Variants in TRIM10 observed in about 807,000 individuals in gnomAD.
TRIM10 encodes the protein tripartite motif containing 10, also known as tripartite motif-containing protein 10.
TRIM10 carries 42 observed loss-of-function variants against 40.0 expected under a neutral mutation model. That is an observed-to-expected ratio of 1.05 (90% CI 0.82 to 1.36). The LOEUF is 1.36. Ranked by LOEUF, TRIM10 falls within the 40% of genes most tolerant of loss-of-function variation. TRIM10 has a pLI of 0.00. For synonymous variants in TRIM10, 260 were observed against 239.5 expected (o/e 1.09, Z -0.79); for missense variants, 601 against 608.3 (o/e 0.99, Z 0.13).
chr6:30,163,562 CTCTGTCTCTT>C, upstream of TRIM10: 1 of 1,300,784 alleles, frequency 7.7e-7, no homozygotes, highest in Non-Finnish European at 1.0e-6. Flanking sequence ...CTTTCTCTCT[CTCTGTCTCTT>C]AGCCTTGCAG....
At chr6:30,162,239 G>C (rs1174897237), upstream of TRIM10, among the ~76,000 whole-genome samples, 1 of 142,512 alleles carries the variant, frequency 7.0e-6, no homozygotes, top group Non-Finnish European at 1.5e-5. Context: ...TCGCGCTACT[G>C]CACTCCATCC....
At chr6:30,161,438 G>A (rs146705154), upstream of TRIM10, among the ~76,000 whole-genome samples, 73 of 152,312 alleles carry the variant, frequency 4.8e-4, no homozygotes, top group African/African-American at 1.6e-3. Context: ...CCTGCTGCAG[G>A]CCTCAAAAGA....
chr6:30,154,051 G>A lies in TRIM10; in HGVS notation c.1364C>T (p.Thr455Ile). The stretch of plus-strand genomic sequence containing the variant: ...CTTCCTAGTGAAGGAGGCAGTGAAG[G>A]TGTAGATGGGCTCTCGGGTGACAGC... ...TNAVTREPIY[T>I]FTASFTRKVI... The change falls in exon 7 of 7, where the codon ACC becomes ATC. Residue 455 changes from threonine (T) to isoleucine (I), a missense_variant. Thr to Ile is a moderately conservative substitution (Grantham distance 89). Transcript: ENST00000449742. 2 of 1,612,842 alleles carry A rather than the reference G, an allele frequency of 1.2e-6. No individual in the cohort carries two copies. The highest frequency in any genetic ancestry group is 1.7e-6 in the Non-Finnish European group (2 of 1,179,826).
intron 3 of TRIM10, 140 bp from the exon 4 acceptor site, chr6:30,157,531 G>A: frequency 2.3e-6 from 2 of 884,816 alleles, no homozygotes; most frequent in South Asian, 3.7e-5. Flanking sequence ...TGGTGCCCAG[G>A]CTGGAATACA....
intron 1 of TRIM10, among the ~76,000 whole-genome samples, chr6:30,159,984 G>A (rs751246446): frequency 6.6e-6 from 1 of 152,160 alleles, no homozygotes; most frequent in African/African-American, 2.4e-5. Flanking sequence ...ATGTAAACAC[G>A]AATTTATTCA....
At chr6:30,162,922 G>T (rs951348746), upstream of TRIM10, among the ~76,000 whole-genome samples, 1 of 147,542 alleles carries the variant, frequency 6.8e-6, no homozygotes, top group African/African-American at 2.5e-5. Context: ...CCTTCTCCCC[G>T]CTACAGTAAA....
chr6:30,153,459 G>C lies in TRIM10; in HGVS notation c.*510C>G. ...CTTCCCAAGAGCTCTTTCAGATATA[G>C]AGCAGGTTTTTTTTTTCTCTATATT... On this transcript the variant is annotated 3_prime_UTR_variant, in exon 7 of 7. Transcript: ENST00000449742. 1 of 556,224 alleles carries C rather than the reference G, an allele frequency of 1.8e-6. No individual in the cohort carries two copies. Among genetic ancestry groups the C allele is most frequent in the Non-Finnish European group, 3.2e-6 (1 of 313,314 alleles). 34.5% of individuals were successfully genotyped at this position (556,224 alleles called of 1,614,324 possible).
At chr6:30,157,095 T>C (rs1416188102) in intron 4 of TRIM10, 41 bp from the exon 5 acceptor site, 1 of 1,580,216 alleles carries the variant, frequency 6.3e-7, no homozygotes, top group African/African-American at 1.3e-5. Flanking sequence ...ATTATCATCC[T>C]TAATAATGTC....
In TRIM10 at chr6:30,156,854, C is replaced by T. The variant is rs115033884; in HGVS notation, c.895+85G>A. 0.018 allele frequency: 21,542 copies of T among 1,211,406 alleles called. 312 individuals are homozygous for T. The highest frequency in any genetic ancestry group is 0.047 in the African/African-American group (3,151 of 67,270). 75.0% of individuals were successfully genotyped at this position (1,211,406 alleles called of 1,614,324 possible). A position where few individuals can be genotyped will look rare whatever the true frequency, so the allele number is the denominator to read the frequency against. On this transcript the variant is annotated intron_variant, in intron 5 of 6. Transcript: ENST00000449742. ...AGGAATAAGGCTTGCCAAAGTCACA[C>T]CTTTCAGCAGTGGAGCGTGGAGGCC...
At chr6:30,163,739 T>G, upstream of TRIM10, 1 of 1,612,998 alleles carries the variant, frequency 6.2e-7, no homozygotes, top group Non-Finnish European at 8.5e-7. Flanking sequence ...CTGTACCCTC[T>G]GTGCGGGGCC....
rs1772071531 is a variant in TRIM10, at chr6:30,152,213, C to G, written c.*1756G>C. On this transcript the variant is annotated 3_prime_UTR_variant, in exon 7 of 7. Transcript: ENST00000449742. Reference sequence around the variant, plus strand: ...GGATGAACTGGTTGCATGATCTTGGCTCGTTACCAAGATAAAGTGACACAA... The same window carrying G: ...GGATGAACTGGTTGCATGATCTTGGGTCGTTACCAAGATAAAGTGACACAA... 1 of 152,218 alleles carries G rather than the reference C, an allele frequency of 6.6e-6. No individual in the cohort carries two copies. The highest frequency in any genetic ancestry group is 1.9e-4 in the East Asian group (1 of 5,164). 9.4% of individuals were successfully genotyped at this position (152,218 alleles called of 1,614,324 possible). A position where few individuals can be genotyped will look rare whatever the true frequency, so the allele number is the denominator to read the frequency against.
chr6:30,156,042 C>T (rs117294343), intron 5 of TRIM10, among the ~76,000 whole-genome samples: 1,601 of 152,318 alleles, frequency 0.011, 60 homozygotes, highest in Admixed American at 0.066. Flanking sequence ...CCCCACTGCC[C>T]TAGCCCTGAT....
At chr6:30,157,835 C>T (rs530115928) in intron 3 of TRIM10, among the ~76,000 whole-genome samples, 2 of 152,112 alleles carry the variant, frequency 1.3e-5, no homozygotes, top group East Asian at 3.9e-4. Flanking sequence ...GATCAGAGCC[C>T]AAAGCCTTTA....
upstream of TRIM10, among the ~76,000 whole-genome samples, chr6:30,163,051 G>C (rs1458839712): frequency 6.6e-6 from 1 of 152,082 alleles, no homozygotes; most frequent in African/African-American, 2.4e-5. Context: ...CCGTAGGAGG[G>C]GCCACCATGG....
At chr6:30,162,058 G>A (rs1458411417), upstream of TRIM10, among the ~76,000 whole-genome samples, 1 of 152,076 alleles carries the variant, frequency 6.6e-6, no homozygotes, top group Admixed American at 6.5e-5. Flanking sequence ...GGCGGATCAC[G>A]AGGTCAGGAA....
At chr6:30,155,495 G>T (rs1427129791) in intron 6 of TRIM10, among the ~76,000 whole-genome samples, 3 of 151,846 alleles carry the variant, frequency 2.0e-5, no homozygotes, top group Non-Finnish European at 4.4e-5. Flanking sequence ...TGTTTCTCCT[G>T]AGAGCCTTAC....
At chr6:30,157,319 T>C in intron 4 of TRIM10, 50 bp downstream of exon 4, 1 of 1,490,594 alleles carries the variant, frequency 6.7e-7, no homozygotes, top group Non-Finnish European at 9.2e-7. Context: ...ATGCAGTACA[T>C]GTATGTATAT....
Position 30,155,313 on chromosome 6 carries a change from G to A in TRIM10, c.928+414C>T, listed in dbSNP as rs372995105. On this transcript the variant is annotated intron_variant, in intron 6 of 6. Coordinates refer to ENST00000449742, the MANE Select transcript of TRIM10 (RefSeq NM_006778.4). ...CTGAGAGGAAGCAGGGGTTCCTTACGTTCTAAAGAGGTGATTATAAACCCA... is the reference window on the plus strand; with the variant it reads ...CTGAGAGGAAGCAGGGGTTCCTTACATTCTAAAGAGGTGATTATAAACCCA... Among the ~76,000 whole-genome samples the A allele has an allele frequency of 4.2e-4, 60 of 144,124 alleles. 5 individuals are homozygous for A. The highest frequency in any genetic ancestry group is 2.5e-3 in the East Asian group (13 of 5,146). 94.6% of individuals were successfully genotyped at this position (144,124 alleles called of 152,430 possible). A position where few individuals can be genotyped will look rare whatever the true frequency, so the allele number is the denominator to read the frequency against.
In TRIM10 at chr6:30,154,164, G is replaced by A. The variant is rs1772284582; in HGVS notation, c.1251C>T (p.Ser417=). Residue 417 remains serine (S), a synonymous_variant, in exon 7 of 7, where the codon TCC becomes TCT. Coordinates refer to ENST00000449742, the MANE Select transcript of TRIM10 (RefSeq NM_006778.4). ...LAWGFVSALG[S]FPTRLTLKEQ... ...CCTTCAGGGTCAGCCGTGTGGGGAA[G>A]GAGCCCAGAGCCGAGACGAAGCCCC... 1.9e-6 allele frequency: 3 copies of A among 1,612,454 alleles called. No homozygotes were observed. Among genetic ancestry groups the A allele is most frequent in the Non-Finnish European group, 1.7e-6 (2 of 1,179,532 alleles).
Sources: gnomAD v4.1 joint callset for allele counts (sites outside exome capture counted in the v4.1 genomes callset) on GRCh38, gnomAD v4.1.1 for gene constraint, MANE v1.5 for transcripts, NCBI Gene and HGNC (gene_info 2026-07-23, HGNC 2026-07-21) for gene names.